Variants in CDH18 observed in about 807,000 individuals in gnomAD.
CDH18 encodes the protein cadherin-18.
In CDH18, 31 loss-of-function variants were observed where a neutral mutation model predicts 67.9. The observed-to-expected ratio is 0.46, with a 90% CI of 0.34 to 0.62. The LOEUF is 0.62. CDH18 is among the 20% of genes least tolerant of loss of function. The probability of loss-of-function intolerance (pLI) is 0.01; values close to 1 mark genes in which losing one functional copy is unlikely to be tolerated. For missense variants in CDH18, 890 were observed against 975.5 expected, an observed-to-expected ratio of 0.91 and a Z score of 1.17; for synonymous variants, 362 against 347.2, an observed-to-expected ratio of 1.04 and a Z score of -0.48.
intron 12 of CDH18, among the ~76,000 whole-genome samples, chr5:19,476,318 A>G (rs1738453491): frequency 6.6e-6 from 1 of 152,098 alleles, no homozygotes. Flanking sequence ...GGTTACAGAA[A>G]GCTGAAAATG....
chr5:20,492,377 T>C (rs1341676550), intron 1 of CDH18, among the ~76,000 whole-genome samples: 1 of 152,182 alleles, frequency 6.6e-6, no homozygotes, highest in African/African-American at 2.4e-5. Context: ...TTGCAGTTAT[T>C]TCTTTCATTT....
intron 2 of CDH18, among the ~76,000 whole-genome samples, chr5:20,242,733 T>G (rs1397414654): frequency 1.3e-5 from 2 of 148,786 alleles, no homozygotes; most frequent in Non-Finnish European, 3.0e-5. Context: ...ACAGTTGTGT[T>G]TGCTTTAAAA....
chr5:20,525,210 G>A (rs375480145), intron 1 of CDH18, among the ~76,000 whole-genome samples: 14 of 152,192 alleles, frequency 9.2e-5, no homozygotes, highest in African/African-American at 3.4e-4. Flanking sequence ...TTGCTGGGGG[G>A]ACTGCTGGAC....
chr5:20,227,191 G>A (rs924787983), intron 2 of CDH18, among the ~76,000 whole-genome samples: 1 of 151,814 alleles, frequency 6.6e-6, no homozygotes, highest in Non-Finnish European at 1.5e-5. Flanking sequence ...TATTTGCATA[G>A]CTCCTACACG....
chr5:20,406,459 G>C (rs1374387656), intron 1 of CDH18, among the ~76,000 whole-genome samples: 1 of 151,852 alleles, frequency 6.6e-6, no homozygotes, highest in Admixed American at 6.6e-5. Flanking sequence ...GATAGCATTA[G>C]GAAATATACC....
intron 1 of CDH18, among the ~76,000 whole-genome samples, chr5:20,300,775 T>C (rs949638904): frequency 3.9e-5 from 6 of 152,220 alleles, no homozygotes; most frequent in Non-Finnish European, 7.3e-5. Context: ...CCTAGGTATA[T>C]GTCATGTGCA....
intron 7 of CDH18, among the ~76,000 whole-genome samples, chr5:19,584,784 C>G (rs1330631051): frequency 2.9e-3 from 22 of 7,574 alleles, no homozygotes; most frequent in Non-Finnish European, 6.5e-3. Flanking sequence ...CCCGTTTCTA[C>G]TAAAAATACA....
chr5:20,306,733 G>T, intron 1 of CDH18, among the ~76,000 whole-genome samples: 1 of 152,114 alleles, frequency 6.6e-6, no homozygotes, highest in East Asian at 1.9e-4. Context: ...TTAACAGTGA[G>T]GGTTAAAATC....
chr5:19,587,252 A>G (rs1744309992), intron 7 of CDH18, among the ~76,000 whole-genome samples: 1 of 152,140 alleles, frequency 6.6e-6, no homozygotes, highest in Non-Finnish European at 1.5e-5. Flanking sequence ...TTTTGCAACT[A>G]AAATAAATGC....
chr5:19,613,940 T>G (rs1209095903), intron 5 of CDH18, among the ~76,000 whole-genome samples: 2 of 152,272 alleles, frequency 1.3e-5, no homozygotes, highest in East Asian at 1.9e-4. Context: ...AAATGTATTT[T>G]CATTAAAAAT....
intron 5 of CDH18, among the ~76,000 whole-genome samples, chr5:19,654,477 GC>G (rs2150283794): frequency 6.6e-6 from 1 of 152,284 alleles, no homozygotes; most frequent in South Asian, 2.1e-4. Flanking sequence ...CATCTGTTTA[GC>G]CGCTGTGCAT....
At chr5:20,404,522 G>A (rs1224517469) in intron 1 of CDH18, among the ~76,000 whole-genome samples, 3 of 152,104 alleles carry the variant, frequency 2.0e-5, no homozygotes, top group Admixed American at 1.3e-4. Flanking sequence ...TGTGTCTCAG[G>A]GCATAAGGAG....
intron 2 of CDH18, among the ~76,000 whole-genome samples, chr5:19,888,649 G>T (rs112597491): frequency 6.6e-6 from 1 of 152,064 alleles, no homozygotes; most frequent in African/African-American, 2.4e-5. Flanking sequence ...TTCAGTTATT[G>T]ATCTGTAGAA....
At chr5:20,304,376 T>C in intron 1 of CDH18, 1 of 1,470,666 alleles carries the variant, frequency 6.8e-7, no homozygotes, top group Non-Finnish European at 9.5e-7. Context: ...CTTTTTGGAG[T>C]AAAAAGCATC....
At chr5:19,872,147 A>G (rs547419320) in intron 2 of CDH18, among the ~76,000 whole-genome samples, 8 of 152,294 alleles carry the variant, frequency 5.3e-5, no homozygotes, top group Non-Finnish European at 1.5e-5. Flanking sequence ...ATAAAAGACT[A>G]TGTTACATTT....
chr5:20,411,681 T>C (rs1038251907), intron 1 of CDH18, among the ~76,000 whole-genome samples: 1 of 151,588 alleles, frequency 6.6e-6, no homozygotes, highest in Non-Finnish European at 1.5e-5. Context: ...AAAGAATTGT[T>C]GAAAATGTTC....
At chr5:19,861,949 A>C (rs1307042119) in intron 2 of CDH18, among the ~76,000 whole-genome samples, 6 of 152,170 alleles carry the variant, frequency 3.9e-5, no homozygotes, top group African/African-American at 1.4e-4. Flanking sequence ...TTCTGGCTGG[A>C]ATGATACATT....
At chr5:20,241,725 G>T (rs1220073028) in intron 2 of CDH18, among the ~76,000 whole-genome samples, 3 of 151,340 alleles carry the variant, frequency 2.0e-5, no homozygotes, top group Admixed American at 2.0e-4. Flanking sequence ...GTTGGGGGGC[G>T]CCTGTAGTCC....
chr5:19,984,895 G>A (rs1799406483), intron 1 of CDH18, among the ~76,000 whole-genome samples: 1 of 152,044 alleles, frequency 6.6e-6, no homozygotes, highest in African/African-American at 2.4e-5. Context: ...ACTTCTGGAG[G>A]CTTTAAACAC....
Sources: gnomAD v4.1 joint callset for allele counts (sites outside exome capture counted in the v4.1 genomes callset) on GRCh38, gnomAD v4.1.1 for gene constraint, MANE v1.5 for transcripts, NCBI Gene and HGNC (gene_info 2026-07-23, HGNC 2026-07-21) for gene names.